Variants in RELN observed in about 807,000 individuals in gnomAD.
RELN encodes the protein reelin.
A neutral mutation model predicts 427.6 loss-of-function variants in RELN; 108 were observed. The observed-to-expected ratio is 0.25, with a 90% confidence interval of 0.22 to 0.30. The LOEUF (loss-of-function observed/expected upper bound fraction) is 0.30, where lower values mean the gene tolerates loss of function less well. Ranked by LOEUF, RELN falls within the 10% of genes least tolerant of loss-of-function variation. The pLI is 1.00. For missense variants in RELN, 3,715 were observed against 4,302.8 expected, an observed-to-expected ratio of 0.86 and a Z score of 3.82; for synonymous variants, 1,524 against 1,513.4, an observed-to-expected ratio of 1.01 and a Z score of -0.16.
intron 16 of RELN, among the ~76,000 whole-genome samples, chr7:103,642,995 C>A (rs139474001): frequency 8.6e-5 from 13 of 152,016 alleles, no homozygotes; most frequent in African/African-American, 3.1e-4. Flanking sequence ...CTCATAAGGT[C>A]TTTGAGGGTG....
At chr7:103,688,308 G>A (rs1833804287) in intron 10 of RELN, among the ~76,000 whole-genome samples, 1 of 152,070 alleles carries the variant, frequency 6.6e-6, no homozygotes, top group Non-Finnish European at 1.5e-5. Context: ...ACACTAGATA[G>A]TTTCCAGTAA....
chr7:103,777,178 T>C (rs1415507461), intron 3 of RELN, among the ~76,000 whole-genome samples: 1 of 152,170 alleles, frequency 6.6e-6, no homozygotes, highest in Non-Finnish European at 1.5e-5. Flanking sequence ...GAAGGAGATG[T>C]ATATCTTTTA....
chr7:103,674,286 CGCCCT>C (rs1833461738), intron 11 of RELN, among the ~76,000 whole-genome samples: 1 of 152,084 alleles, frequency 6.6e-6, no homozygotes. Flanking sequence ...ATGCAGTGTA[CGCCCT>C]TATCCTGTTG....
intron 11 of RELN, among the ~76,000 whole-genome samples, chr7:103,664,210 T>C (rs768387842): frequency 2.1e-4 from 32 of 152,340 alleles, no homozygotes; most frequent in South Asian, 1.5e-3. Flanking sequence ...GGAATGACCA[T>C]AAACTTTTGA....
intron 3 of RELN, among the ~76,000 whole-genome samples, chr7:103,832,040 A>G (rs1793286115): frequency 6.6e-6 from 1 of 152,190 alleles, no homozygotes; most frequent in Admixed American, 6.6e-5. Context: ...TCAACCAGTT[A>G]TGTGAGATGA....
At position 103,702,077 on chromosome 7, in the gene RELN, A is replaced by C. The variant is rs557150026; in HGVS notation, c.806-1071T>G. On this transcript the variant is annotated intron_variant, in intron 8 of 64. Coordinates refer to ENST00000428762, the MANE Select transcript of RELN (RefSeq NM_005045.4). ...AGATTTATTCTCACAGCCAAAATGT[A>C]AGTGAAAAAGCATGAAAGAAAAGGA... Among the ~76,000 whole-genome samples, 3 of 152,384 alleles carry C rather than the reference A, an allele frequency of 2.0e-5. No individual in the cohort carries two copies. The East Asian group carries it at 5.8e-4, about 29-fold the overall frequency.
intron 6 of RELN, 28 bp downstream of exon 6, chr7:103,749,398 C>T: frequency 6.3e-7 from 1 of 1,577,398 alleles, no homozygotes; most frequent in Non-Finnish European, 8.7e-7. Context: ...TTAAGCAAAC[C>T]AAAGTGAGGA....
intron 1 of RELN, among the ~76,000 whole-genome samples, chr7:103,958,717 A>C (rs1019798416): frequency 6.6e-6 from 1 of 152,192 alleles, no homozygotes; most frequent in Non-Finnish European, 1.5e-5. Context: ...TCTCAGAAAT[A>C]ATCTTACTGA....
At chr7:103,762,362 T>A (rs990858299) in intron 4 of RELN, among the ~76,000 whole-genome samples, 2 of 152,240 alleles carry the variant, frequency 1.3e-5, no homozygotes, top group African/African-American at 4.8e-5. Flanking sequence ...CCCACCCACA[T>A]GTTGAAGTAC....
chr7:103,473,121 C>T (rs1827914073), intron 64 of RELN: 7 of 668,716 alleles, frequency 1.0e-5, no homozygotes, highest in Non-Finnish European at 1.7e-5. Flanking sequence ...TGAAGAAATC[C>T]CTGTCTTTTC....
intron 3 of RELN, among the ~76,000 whole-genome samples, chr7:103,820,598 TA>T (rs1412671733): frequency 6.6e-6 from 1 of 151,788 alleles, no homozygotes; most frequent in African/African-American, 2.4e-5. Flanking sequence ...CTGTAATTAA[TA>T]AGAACAAGGT....
rs1795234328 is a variant in RELN at position 103,907,414 on chromosome 7, G to GAAAA, written c.337+9660_337+9661insTTTT. 1.5e-3 allele frequency among the ~76,000 whole-genome samples: 59 copies of GAAAA among 39,690 alleles called. 19 individuals carry two copies. Among genetic ancestry groups the GAAAA allele is most frequent in the South Asian group, 4.0e-3 (4 of 990 alleles). 26.0% of individuals were successfully genotyped at this position (39,690 alleles called of 152,430 possible). A position where few individuals can be genotyped will look rare whatever the true frequency, so the allele number is the denominator to read the frequency against. ...GCCTGGGCAACAAGATCAAGGCTCT[G>GAAAA]GAAAAAAAAAAAAAAAAAAAAAAAA... On this transcript the variant is annotated intron_variant, in intron 2 of 64. Transcript: ENST00000428762.
At chr7:103,479,554 G>T (rs1828156467) in intron 63 of RELN, among the ~76,000 whole-genome samples, 1 of 152,018 alleles carries the variant, frequency 6.6e-6, no homozygotes, top group Non-Finnish European at 1.5e-5. Flanking sequence ...TGGAAAATAT[G>T]AGAGTGGGAA....
rs1199562393 is a variant in RELN, at chr7:103,638,055, G to GT, written c.2070-1588dup. ...ATATAATGCTGATAAAGATAAAGTA[G>GT]TTTTTTAAAAATATTTTTTAAAAAA... On this transcript the variant is annotated intron_variant, in intron 17 of 64. Transcript: ENST00000428762. Among the ~76,000 whole-genome samples the GT allele has an allele frequency of 4.1e-5, 6 of 147,224 alleles. No homozygotes were observed. In the East Asian group the frequency reaches 9.8e-4, roughly 24 times the overall value.
chr7:103,979,284 C>T (rs1796941791), intron 1 of RELN, among the ~76,000 whole-genome samples: 1 of 152,180 alleles, frequency 6.6e-6, no homozygotes, highest in Admixed American at 6.5e-5. Flanking sequence ...AAGAAACATT[C>T]CTATACTACC....
intron 1 of RELN, among the ~76,000 whole-genome samples, chr7:103,955,701 A>C (rs1045703258): frequency 6.6e-6 from 1 of 152,208 alleles, no homozygotes; most frequent in Non-Finnish European, 1.5e-5. Context: ...ATCTACATGT[A>C]AAACACTTTG....
At chr7:103,647,870 A>T (rs549472832) in intron 16 of RELN, among the ~76,000 whole-genome samples, 1 of 152,188 alleles carries the variant, frequency 6.6e-6, no homozygotes, top group Non-Finnish European at 1.5e-5. Flanking sequence ...CATCAATGGA[A>T]CAGAATAGAG....
chr7:103,862,407 T>TG (rs1554432450), intron 2 of RELN, among the ~76,000 whole-genome samples: 1 of 120,336 alleles, frequency 8.3e-6, no homozygotes, highest in East Asian at 3.2e-4. Context: ...TTTATGCTTT[T>TG]GTTCTATCTA....
At chr7:103,684,303 G>A (rs1265709763) in intron 10 of RELN, among the ~76,000 whole-genome samples, 4 of 152,106 alleles carry the variant, frequency 2.6e-5, no homozygotes, top group African/African-American at 9.7e-5. Flanking sequence ...AGCGGGCTTG[G>A]TGTCTTGGAA....
Sources: allele counts gnomAD v4.1 joint callset (sites outside exome capture counted in the v4.1 genomes callset), GRCh38; gene constraint gnomAD v4.1.1; transcripts MANE v1.5; gene names NCBI Gene and HGNC (gene_info 2026-07-23, HGNC 2026-07-21).